Variants in TMF1 observed in about 807,000 individuals in gnomAD.
The protein encoded by TMF1 is TATA element modulatory factor.
TMF1 carries 71 observed loss-of-function variants against 126.5 expected under a neutral mutation model. That is an observed-to-expected ratio of 0.56 (90% CI 0.46 to 0.68). The LOEUF is 0.68. TMF1 is among the 30% of genes least tolerant of loss of function. The pLI, the probability that TMF1 is intolerant of heterozygous loss-of-function variation, is 0.00. For missense variants in TMF1, 1,259 were observed against 1,253.2 expected (o/e 1.00, Z -0.07); for synonymous variants, 461 against 430.5 (o/e 1.07, Z -0.88).
intron 2 of TMF1, 22 bp from the exon 3 acceptor site, chr3:69,044,617 AAGTC>A (rs770624563): frequency 2.0e-6 from 3 of 1,511,114 alleles, no homozygotes; most frequent in Admixed American, 2.0e-5. Context: ...GAATACATAA[AAGTC>A]AGAACGCTTA....
rs201235194 is a variant in TMF1, at chr3:69,024,268, GTTTTT to G, written c.3013-93_3013-89del. ...TATAAAAATATTTAATGTGTGTGTGGTTTTTTTTTTTTTTTTGAAATAGACATGTC... is the reference window on the plus strand; with the variant it reads ...TATAAAAATATTTAATGTGTGTGTGGTTTTTTTTTTTGAAATAGACATGTC... On this transcript the variant is annotated intron_variant, in intron 15 of 16. Transcript: ENST00000398559. The G allele has an allele frequency of 7.8e-5, 72 of 925,514 alleles. No individual in the cohort carries two copies. The African/African-American group carries it at 8.5e-4, about 11-fold the overall frequency. 57.3% of individuals were successfully genotyped at this position (925,514 alleles called of 1,614,324 possible).
In TMF1 at chr3:69,051,977, A is replaced by G; in HGVS notation, c.110T>C (p.Ile37Thr). The change falls in exon 1 of 17, where the codon ATC (isoleucine) becomes ACC (threonine). Residue 37 changes from isoleucine to threonine, a missense_variant. Physicochemically the swap from Ile to Thr is moderately conservative, Grantham distance 89. Coordinates refer to ENST00000398559, the MANE Select transcript of TMF1 (RefSeq NM_007114.3). ...VLDIQEEEPS[I>T]WAETIPYGEP... is the part of the protein sequence containing the mutation. ...TCCATACGGAATGGTCTCGGCCCAG[A>G]TGCTCGGCTCCTCTTCCTGGATGTC... 1 of 1,613,952 alleles carries G rather than the reference A, an allele frequency of 6.2e-7. No individual in the cohort carries two copies. Among genetic ancestry groups the G allele is most frequent in the Non-Finnish European group, 8.5e-7 (1 of 1,179,932 alleles).
Position 69,038,890 on chromosome 3 carries a change from A to C in TMF1, c.1947T>G (p.Leu649=). The C allele has an allele frequency of 6.2e-7, 1 of 1,611,378 alleles. No individual in the cohort carries two copies. Among genetic ancestry groups the C allele is most frequent in the Non-Finnish European group, 8.5e-7 (1 of 1,179,122 alleles). The change falls in exon 7 of 17, where the codon CTT becomes CTG. Residue 649 remains leucine, a synonymous_variant. Coordinates refer to ENST00000398559, the MANE Select transcript of TMF1 (RefSeq NM_007114.3). ...CCTGAATACTTCGGTTCTTTTCTTC[A>C]AGTTCATCCATGTCTACCTGAAGAC... The part of the protein sequence containing the change: ...LGRLQVDMDE[L]EEKNRSIQAA...
At chr3:69,051,131 T>C (rs1017071738) in intron 1 of TMF1, among the ~76,000 whole-genome samples, 5 of 152,200 alleles carry the variant, frequency 3.3e-5, no homozygotes, top group Non-Finnish European at 7.3e-5. Context: ...TTTCCTCTTA[T>C]GTAAAACACG....
chr3:69,052,100 C>T lies in TMF1; in HGVS notation c.-14G>A. On this transcript the variant is annotated 5_prime_UTR_variant, in exon 1 of 17. Transcript: ENST00000398559. ...GAACCAACTCATCGCCCCTCCTCAG[C>T]CGGCAGTGGCGGCGGCAGCACCAAG... is the stretch of plus-strand genomic sequence containing the variant. 1.2e-6 allele frequency: 2 copies of T among 1,603,096 alleles called. No homozygotes were observed. Among genetic ancestry groups the T allele is most frequent in the Non-Finnish European group, 1.7e-6 (2 of 1,175,866 alleles).
At chr3:69,029,773 G>A in intron 11 of TMF1, 42 bp downstream of exon 11, 2 of 1,542,028 alleles carry the variant, frequency 1.3e-6, no homozygotes, top group Non-Finnish European at 1.8e-6. Flanking sequence ...GCTTTAGGAT[G>A]TCACGGAACT....
At chr3:69,037,487 C>A (rs949753616) in intron 8 of TMF1, among the ~76,000 whole-genome samples, 8 of 151,506 alleles carry the variant, frequency 5.3e-5, no homozygotes, top group African/African-American at 1.9e-4. Flanking sequence ...TAAAAAAAAA[C>A]AAAAATTAGC....
At chr3:69,025,010 T>C (rs1575807036) in intron 15 of TMF1, 1 of 152,178 alleles carries the variant, frequency 6.6e-6, no homozygotes, top group Non-Finnish European at 1.5e-5. Context: ...TCTGACTGCA[T>C]AAAGTTTTTT....
chr3:69,023,047 TAAA>T lies in TMF1; in HGVS notation c.*127_*129del, dbSNP rs1313002350. 1.2e-6 allele frequency: 1 copy of T among 813,348 alleles called. No homozygotes were observed. Among genetic ancestry groups the T allele is most frequent in the East Asian group, 2.9e-5 (1 of 34,952 alleles). The allele number at this position is 813,348 out of a possible 1,614,324, so 50.4% of individuals were successfully genotyped here. A position where few individuals can be genotyped will look rare whatever the true frequency, so the allele number is the denominator to read the frequency against. On this transcript the variant is annotated 3_prime_UTR_variant, in exon 17 of 17. Coordinates refer to ENST00000398559, the MANE Select transcript of TMF1 (RefSeq NM_007114.3). ...ATTACTACATAGTGTAAAACAATTT[TAAA>T]AAAATTTTTACACTCTACAGTAAAT... is the stretch of plus-strand genomic sequence containing the variant.
In TMF1 at chr3:69,026,106, G is replaced by T. The variant is rs757969054; in HGVS notation, c.2758-9C>A. On this transcript the variant is annotated splice_polypyrimidine_tract_variant and intron_variant, in intron 13 of 16. Transcript: ENST00000398559. ...GAAAATGGCTTGCGTTCCTTAGGGA[G>T]TAAAAAAAATTCTGTTCATATTAAA... is the stretch of plus-strand genomic sequence containing the variant. 10 of 1,596,930 alleles carry T rather than the reference G, an allele frequency of 6.3e-6. No individual in the cohort carries two copies. The South Asian group carries it at 6.7e-5, about 11-fold the overall frequency.
At position 69,033,698 on chromosome 3, in the gene TMF1, G is replaced by A; in HGVS notation, c.2251C>T (p.Gln751Ter). The part of the protein sequence containing the change: ...HEIGELQQRL[Q>*]EAENRNQELS... ...TCCTGGTTTCGATTCTCTGCTTCCTGGAGTCTCTGAATCATGAAATTCTGA... is the reference window on the plus strand; with the variant it reads ...TCCTGGTTTCGATTCTCTGCTTCCTAGAGTCTCTGAATCATGAAATTCTGA... The change falls in exon 10 of 17, where the codon CAG (glutamine) becomes TAG (stop). Residue 751 changes from glutamine (Q) to a stop codon, truncating the protein, a stop_gained. Coordinates refer to ENST00000398559, the MANE Select transcript of TMF1 (RefSeq NM_007114.3). LOFTEE classifies it high-confidence loss of function. 6.2e-7 allele frequency: 1 copy of A among 1,606,574 alleles called. No homozygotes were observed. The highest frequency in any genetic ancestry group is 2.2e-5 in the East Asian group (1 of 44,518).
rs774044003 is a variant in TMF1 at position 69,025,548 on chromosome 3, T to G, written c.3012+12A>C. 4 of 1,601,732 alleles carry G rather than the reference T, an allele frequency of 2.5e-6. No homozygotes were observed. Among genetic ancestry groups the G allele is most frequent in the Non-Finnish European group, 8.5e-7 (1 of 1,174,932 alleles). ...TCATTTACTTCTATAGCAAATTTAA[T>G]TTTTCCAATACCTGTAAATGAGTGA... On this transcript the variant is annotated intron_variant, in intron 15 of 16. Coordinates refer to ENST00000398559, the MANE Select transcript of TMF1 (RefSeq NM_007114.3).
chr3:69,032,613 C>CTT (rs11447014), intron 10 of TMF1, among the ~76,000 whole-genome samples: 184 of 143,742 alleles, frequency 1.3e-3, no homozygotes, highest in South Asian at 2.0e-3. Context: ...AATATGGAAT[C>CTT]TTTTTTTTTT....
intron 1 of TMF1, among the ~76,000 whole-genome samples, chr3:69,049,469 T>C (rs2091914162): frequency 6.6e-6 from 1 of 152,232 alleles, no homozygotes; most frequent in South Asian, 2.1e-4. Context: ...TGGTAAGTTC[T>C]AGAGAACAAA....
chr3:69,033,668 T>C lies in TMF1; in HGVS notation c.2281A>G (p.Ser761Gly). 4 of 1,613,438 alleles carry C rather than the reference T, an allele frequency of 2.5e-6. No individual in the cohort carries two copies. Among genetic ancestry groups the C allele is most frequent in the South Asian group, 1.1e-5 (1 of 90,914 alleles). The change falls in exon 10 of 17, where the codon AGT (serine) becomes GGT (glycine). Residue 761 changes from serine (S) to glycine (G), a missense_variant. Ser to Gly is a moderately conservative substitution (Grantham distance 56). Coordinates refer to ENST00000398559, the MANE Select transcript of TMF1 (RefSeq NM_007114.3). ...QEAENRNQEL[S>G]QSVSSTTRPL... is the part of the protein sequence containing the mutation. ...CTTGTTGTTGATGAAACACTTTGAC[T>C]CAGTTCCTGGTTTCGATTCTCTGCT...
In TMF1 at chr3:69,051,970, G is replaced by C. The variant is rs907368824; in HGVS notation, c.117C>G (p.Ala39=). The change falls in exon 1 of 17, where the codon GCC becomes GCG. Residue 39 remains alanine, a synonymous_variant. Coordinates refer to ENST00000398559, the MANE Select transcript of TMF1 (RefSeq NM_007114.3). Reference sequence around the variant, plus strand: ...CCGGCTCTCCATACGGAATGGTCTCGGCCCAGATGCTCGGCTCCTCTTCCT... The same window carrying C: ...CCGGCTCTCCATACGGAATGGTCTCCGCCCAGATGCTCGGCTCCTCTTCCT... ...DIQEEEPSIW[A]ETIPYGEPGI... The C allele has an allele frequency of 2.4e-5, 39 of 1,613,690 alleles. No homozygotes were observed. Among genetic ancestry groups the C allele is most frequent in the African/African-American group, 5.3e-5 (4 of 74,876 alleles).
chr3:69,042,586 C>T (rs572747641), intron 5 of TMF1: 6 of 643,266 alleles, frequency 9.3e-6, no homozygotes, highest in Admixed American at 6.2e-5. Flanking sequence ...CAGGGACTTA[C>T]TTTTCTTTTT....
At chr3:69,036,970 T>C (rs1358230457) in intron 8 of TMF1, among the ~76,000 whole-genome samples, 2 of 151,044 alleles carry the variant, frequency 1.3e-5, no homozygotes, top group African/African-American at 2.4e-5. Flanking sequence ...AAGGACACTA[T>C]CAAGAAAAAG....
At chr3:69,047,319 A>T (rs1462720619) in intron 2 of TMF1, 39 bp downstream of exon 2, 49 of 1,513,054 alleles carry the variant, frequency 3.2e-5, no homozygotes, top group Non-Finnish European at 4.2e-5. Flanking sequence ...TAATCTCCAA[A>T]AAGCACATCT....
Sources: gnomAD v4.1 joint callset for allele counts (sites outside exome capture counted in the v4.1 genomes callset) on GRCh38, gnomAD v4.1.1 for gene constraint, MANE v1.5 for transcripts, NCBI Gene and HGNC (gene_info 2026-07-23, HGNC 2026-07-21) for gene names.